FRY: variants seen among roughly 807,000 people sequenced by gnomAD.
FRY encodes the protein FRY microtubule binding protein, also known as protein furry homolog.
Under a neutral mutation model 348.4 loss-of-function variants are expected in FRY, and 128 were observed. That is an observed-to-expected ratio of 0.37 (90% CI 0.32 to 0.43). The LOEUF (loss-of-function observed/expected upper bound fraction) is 0.43, where lower values mean the gene tolerates loss of function less well. Ranked by LOEUF, FRY falls within the 20% of genes least tolerant of loss-of-function variation. FRY has a pLI of 1.00. For missense variants in FRY, 2,736 were observed against 3,695.2 expected, an observed-to-expected ratio of 0.74 and a Z score of 6.73; for synonymous variants, 1,370 against 1,374.7, an observed-to-expected ratio of 1.00 and a Z score of 0.08.
At chr13:32,148,668 A>G (rs1854049067) in intron 13 of FRY, among the ~76,000 whole-genome samples, 3 of 152,190 alleles carry the variant, frequency 2.0e-5, no homozygotes, top group Admixed American at 2.0e-4. Flanking sequence ...GTCAGAGAAC[A>G]TCTTTTTTCT....
At chr13:32,127,454 T>C (rs551311838) in intron 7 of FRY, among the ~76,000 whole-genome samples, 1 of 152,192 alleles carries the variant, frequency 6.6e-6, no homozygotes, top group Non-Finnish European at 1.5e-5. Context: ...GCTTTTGTGC[T>C]AAGTAACATG....
chr13:32,225,177 T>C (rs1191867388), intron 38 of FRY, 141 bp downstream of exon 38: 4 of 701,020 alleles, frequency 5.7e-6, no homozygotes, highest in East Asian at 5.4e-5. Flanking sequence ...ATTGCCCTTT[T>C]GTGACATCTG....
intron 1 of FRY, among the ~76,000 whole-genome samples, chr13:32,036,046 A>T (rs927606923): frequency 4.6e-5 from 7 of 152,256 alleles, no homozygotes; most frequent in African/African-American, 1.4e-4. Flanking sequence ...GTTAGAAAAC[A>T]TCTCAGATTC....
rs546362249 is a variant in FRY, at chr13:32,261,494, C to T, written c.7417-122C>T. The T allele has an allele frequency of 5.6e-6, 5 of 886,480 alleles. No individual in the cohort carries two copies. The African/African-American group carries it at 6.5e-5, about 12-fold the overall frequency. 54.9% of individuals were successfully genotyped at this position (886,480 alleles called of 1,614,324 possible). Reference sequence around the variant, plus strand: ...TAAACAAAAGTTTTGATACCAAAGTCGATGAGGGCCTAAGAGTTAATAATG... The same window carrying T: ...TAAACAAAAGTTTTGATACCAAAGTTGATGAGGGCCTAAGAGTTAATAATG... On this transcript the variant is annotated intron_variant, in intron 51 of 60. Transcript: ENST00000542859.
intron 55 of FRY, 34 bp downstream of exon 55, chr13:32,267,393 G>A: frequency 4.5e-6 from 7 of 1,571,354 alleles, no homozygotes; most frequent in Non-Finnish European, 6.1e-6. Context: ...AGAGGACTTA[G>A]TTTCTAAGGG....
chr13:32,131,552 G>T, intron 7 of FRY, 120 bp from the exon 8 acceptor site: 1 of 725,474 alleles, frequency 1.4e-6, no homozygotes, highest in Non-Finnish European at 2.4e-6. Flanking sequence ...CATGGCTGTT[G>T]TACTTGAACT....
chr13:32,081,902 G>A (rs1875523398), intron 2 of FRY, among the ~76,000 whole-genome samples: 1 of 152,138 alleles, frequency 6.6e-6, no homozygotes, highest in African/African-American at 2.4e-5. Context: ...TTCTCTTGTT[G>A]AGTTAGCTTC....
chr13:32,099,972 A>G (rs1275674341), intron 2 of FRY, among the ~76,000 whole-genome samples: 1 of 152,048 alleles, frequency 6.6e-6, no homozygotes, highest in Non-Finnish European at 1.5e-5. Flanking sequence ...ACATGCCCCA[A>G]ATTCACCAGT....
intron 1 of FRY, among the ~76,000 whole-genome samples, chr13:32,059,996 A>C (rs1229040295): frequency 1.3e-5 from 2 of 152,132 alleles, no homozygotes; most frequent in African/African-American, 4.8e-5. Flanking sequence ...TAAACTGGAC[A>C]TTTTCTTTCT....
At chr13:32,186,212 A>G (rs771514728) in intron 26 of FRY, 48 bp from the exon 27 acceptor site, 6 of 1,318,416 alleles carry the variant, frequency 4.6e-6, no homozygotes, top group Non-Finnish European at 6.6e-6. Flanking sequence ...TAATAGCGAT[A>G]TACAGTATGT....
At chr13:32,075,740 T>A (rs935040026) in intron 1 of FRY, among the ~76,000 whole-genome samples, 1 of 152,196 alleles carries the variant, frequency 6.6e-6, no homozygotes. Context: ...ATGAATTAAT[T>A]AGGGTAGGAT....
intron 55 of FRY, among the ~76,000 whole-genome samples, chr13:32,273,772 C>G (rs1888342782): frequency 6.6e-6 from 1 of 152,138 alleles, no homozygotes; most frequent in African/African-American, 2.4e-5. Flanking sequence ...TCATCTTGTC[C>G]ACATTGAAGT....
intron 23 of FRY, among the ~76,000 whole-genome samples, chr13:32,182,665 TG>T (rs1882782537): frequency 6.6e-6 from 1 of 152,230 alleles, no homozygotes; most frequent in African/African-American, 2.4e-5. Flanking sequence ...CATAGGGTTT[TG>T]TTTTTTTGTT....
intron 36 of FRY, among the ~76,000 whole-genome samples, chr13:32,221,430 T>C (rs1566144023): frequency 6.6e-6 from 1 of 152,252 alleles, no homozygotes; most frequent in African/African-American, 2.4e-5. Context: ...CCCACCTGTA[T>C]TGCTCTTCTT....
intron 11 of FRY, among the ~76,000 whole-genome samples, chr13:32,145,554 T>TTGAGACGGAGTC (rs1880376170): frequency 7.1e-6 from 1 of 140,296 alleles, no homozygotes; most frequent in Non-Finnish European, 1.5e-5. Context: ...TTTTTTTTTT[T>TTGAGACGGAGTC]TGAGACGGAG....
intron 36 of FRY, among the ~76,000 whole-genome samples, chr13:32,222,772 A>G (rs1885381716): frequency 6.6e-6 from 1 of 152,236 alleles, no homozygotes; most frequent in Non-Finnish European, 1.5e-5. Flanking sequence ...TGGGCCATTA[A>G]TATGTGAAAT....
rs111643304 is a variant in FRY, at chr13:32,177,427, T to TA, written c.2422-744dup. On this transcript the variant is annotated intron_variant, in intron 20 of 60. Transcript: ENST00000542859. ...CAACATGGTGAAACCCTGTTTCTTC[T>TA]AAAAAATAATACAAAAATTAGCGAG... Among the ~76,000 whole-genome samples the TA allele has an allele frequency of 2.7e-3, 415 of 151,968 alleles. 6 individuals carry two copies. Among genetic ancestry groups the TA allele is most frequent in the African/African-American group, 9.4e-3 (388 of 41,460 alleles).
At chr13:32,108,247 G>C (rs973928751) in intron 3 of FRY, among the ~76,000 whole-genome samples, 9 of 152,148 alleles carry the variant, frequency 5.9e-5, no homozygotes, top group African/African-American at 2.2e-4. Context: ...CATGCCTCAG[G>C]ACCAGTTGCC....
intron 23 of FRY, among the ~76,000 whole-genome samples, chr13:32,180,562 T>G (rs545311805): frequency 6.6e-6 from 1 of 152,226 alleles, no homozygotes; most frequent in East Asian, 1.9e-4. Context: ...GGGCACTTTC[T>G]TTGCCTTAAT....
Sources: allele counts gnomAD v4.1 joint callset (sites outside exome capture counted in the v4.1 genomes callset), GRCh38; gene constraint gnomAD v4.1.1; transcripts MANE v1.5; gene names NCBI Gene and HGNC (gene_info 2026-07-23, HGNC 2026-07-21).